KIF16B: variants seen among roughly 807,000 people sequenced by gnomAD.
The protein encoded by KIF16B is kinesin-like protein KIF16B.
KIF16B carries 98 observed loss-of-function variants against 156.3 expected under a neutral mutation model. That is an observed-to-expected ratio of 0.63 (90% CI 0.53 to 0.74). The LOEUF is 0.74. Ranked by LOEUF, KIF16B falls within the 30% of genes least tolerant of loss-of-function variation. The pLI is 0.00. For missense variants in KIF16B, 1,421 were observed against 1,606.5 expected, an observed-to-expected ratio of 0.88 and a Z score of 1.97; for synonymous variants, 564 against 583.7, an observed-to-expected ratio of 0.97 and a Z score of 0.49.
At chr20:16,516,584 G>A (rs962043369) in intron 3 of KIF16B, among the ~76,000 whole-genome samples, 2 of 152,184 alleles carry the variant, frequency 1.3e-5, no homozygotes, top group African/African-American at 2.4e-5. Flanking sequence ...GTCAGCTCCA[G>A]ATGAAGGGCT....
chr20:16,565,274 C>T lies in KIF16B; in HGVS notation c.47+7955G>A, dbSNP rs533095161. On this transcript the variant is annotated intron_variant, in intron 1 of 25. Transcript: ENST00000354981. Reference sequence around the variant, plus strand: ...ATAGTTACCATGTTAGAAATTAAAACTGTGAAAATTTTAAACAAAATGCAC... The same window carrying T: ...ATAGTTACCATGTTAGAAATTAAAATTGTGAAAATTTTAAACAAAATGCAC... Among the ~76,000 whole-genome samples, 4 of 152,226 alleles carry T rather than the reference C, an allele frequency of 2.6e-5. No homozygotes were observed. The South Asian group carries it at 8.3e-4, about 32-fold the overall frequency.
intron 1 of KIF16B, among the ~76,000 whole-genome samples, chr20:16,536,047 T>C (rs1283877224): frequency 6.6e-6 from 1 of 152,228 alleles, no homozygotes; most frequent in Non-Finnish European, 1.5e-5. Flanking sequence ...CCCATGTTTA[T>C]TGAAGCACTA....
At chr20:16,380,772 A>G (rs2065074781) in intron 18 of KIF16B, among the ~76,000 whole-genome samples, 1 of 152,256 alleles carries the variant, frequency 6.6e-6, no homozygotes, top group Non-Finnish European at 1.5e-5. Context: ...TACAAAATGC[A>G]TAATTTTGCA....
chr20:16,350,471 C>G (rs1288390812), intron 23 of KIF16B, among the ~76,000 whole-genome samples: 1 of 152,010 alleles, frequency 6.6e-6, no homozygotes, highest in African/African-American at 2.4e-5. Context: ...CCTGCGGGTG[C>G]TGAACTCAGC....
intron 4 of KIF16B, among the ~76,000 whole-genome samples, chr20:16,514,736 C>T (rs753012439): frequency 6.6e-6 from 1 of 151,118 alleles, no homozygotes; most frequent in Non-Finnish European, 1.5e-5. Flanking sequence ...ACTAAAAATA[C>T]AAAAATTAGC....
intron 23 of KIF16B, among the ~76,000 whole-genome samples, chr20:16,340,537 A>C (rs1003601170): frequency 1.3e-5 from 2 of 152,208 alleles, no homozygotes; most frequent in Admixed American, 6.5e-5. Context: ...GGGAGCCCCC[A>C]GATGGACTTG....
rs112513076 is a variant in KIF16B, at chr20:16,452,387, C to T, written c.1303-22405G>A. Among the ~76,000 whole-genome samples the T allele has an allele frequency of 1.5e-4, 23 of 151,330 alleles. 1 individual carries two copies. Among genetic ancestry groups the T allele is most frequent in the African/African-American group, 5.3e-4 (22 of 41,234 alleles). On this transcript the variant is annotated intron_variant, in intron 12 of 25. Coordinates refer to ENST00000354981, the MANE Select transcript of KIF16B (RefSeq NM_024704.5). ...ATGAGCAAAAAAGTAAGTAAAACTG[C>T]CATAACCCCTATAAGAAAAAAAAAA...
In KIF16B at chr20:16,456,096, C is replaced by CCAATACAATACAATACAATA. The variant is rs56823966; in HGVS notation, c.1303-26134_1303-26115dup. Among the ~76,000 whole-genome samples the CCAATACAATACAATACAATA allele has an allele frequency of 5.0e-3, 713 of 143,402 alleles. 5 individuals carry two copies. The highest frequency in any genetic ancestry group is 7.5e-3 in the East Asian group (36 of 4,820). The allele number at this position is 143,402 out of a possible 152,430, so 94.1% of individuals were successfully genotyped here. ...AATAAAAGGAATTCTTCTACTGGAG[C>CCAATACAATACAATACAATA]CAATACAATACAATACAATACAATA... is the stretch of plus-strand genomic sequence containing the variant. On this transcript the variant is annotated intron_variant, in intron 12 of 25. Coordinates refer to ENST00000354981, the MANE Select transcript of KIF16B (RefSeq NM_024704.5).
At chr20:16,299,809 G>A (rs943795646) in intron 25 of KIF16B, among the ~76,000 whole-genome samples, 1 of 152,162 alleles carries the variant, frequency 6.6e-6, no homozygotes, top group African/African-American at 2.4e-5. Flanking sequence ...ACTGTAGAAA[G>A]TTAAGAGGGG....
At chr20:16,381,565 G>T in intron 18 of KIF16B, 129 bp downstream of exon 18, 31 of 470,282 alleles carry the variant, frequency 6.6e-5, no homozygotes, top group Non-Finnish European at 1.0e-4. Context: ...CATTAGACAT[G>T]TAAATAACAG....
At chr20:16,561,693 T>C (rs892351367) in intron 1 of KIF16B, among the ~76,000 whole-genome samples, 4 of 152,188 alleles carry the variant, frequency 2.6e-5, no homozygotes, top group Non-Finnish European at 4.4e-5. Flanking sequence ...TCACCAGTAG[T>C]AAGACATATT....
chr20:16,513,728 C>G (rs898418239), intron 4 of KIF16B, among the ~76,000 whole-genome samples: 2 of 151,240 alleles, frequency 1.3e-5, no homozygotes, highest in African/African-American at 2.4e-5. Flanking sequence ...CCTACCCTGG[C>G]CTTCCTCGAT....
chr20:16,566,649 C>T (rs528032179), intron 1 of KIF16B, among the ~76,000 whole-genome samples: 60 of 152,266 alleles, frequency 3.9e-4, no homozygotes, highest in African/African-American at 1.4e-3. Flanking sequence ...GAAACTGAGG[C>T]ACAGACATGT....
rs573431706 is a variant in KIF16B, at chr20:16,372,805, C to T, written c.3351-1044G>A. ...CTCCGCCTCCTGGGTTCAAGTGAGT[C>T]TCCTGCCTCAGCCTCCCAGGTAGCT... On this transcript the variant is annotated intron_variant, in intron 20 of 25. Coordinates refer to ENST00000354981, the MANE Select transcript of KIF16B (RefSeq NM_024704.5). Among the ~76,000 whole-genome samples, 8 of 152,314 alleles carry T rather than the reference C, an allele frequency of 5.3e-5. No homozygotes were observed. In the East Asian group the frequency reaches 1.2e-3, roughly 22 times the overall value.
chr20:16,564,866 A>G (rs2071195742), intron 1 of KIF16B, among the ~76,000 whole-genome samples: 1 of 151,852 alleles, frequency 6.6e-6, no homozygotes, highest in African/African-American at 2.4e-5. Flanking sequence ...CACAGACTTG[A>G]GCCCGACCAC....
intron 15 of KIF16B, among the ~76,000 whole-genome samples, chr20:16,411,017 C>T (rs1364963788): frequency 7.3e-5 from 11 of 151,538 alleles, no homozygotes; most frequent in South Asian, 2.1e-4. Context: ...TTTTCATCAC[C>T]GATGACCTTG....
chr20:16,573,153 CT>C, intron 1 of KIF16B, 75 bp downstream of exon 1: 7 of 1,410,582 alleles, frequency 5.0e-6, no homozygotes, highest in Non-Finnish European at 6.8e-6. Context: ...TCCAGGCTGG[CT>C]TTGGGGGAGC....
intron 22 of KIF16B, chr20:16,367,967 T>C (rs1024002033): frequency 8.3e-6 from 12 of 1,440,340 alleles, no homozygotes; most frequent in African/African-American, 4.3e-5. Context: ...AAAATGCTCA[T>C]TGAGCCGAGA....
At chr20:16,372,681 A>G (rs908983737) in intron 20 of KIF16B, among the ~76,000 whole-genome samples, 10 of 152,140 alleles carry the variant, frequency 6.6e-5, no homozygotes, top group Non-Finnish European at 1.3e-4. Flanking sequence ...CTCCAATTCT[A>G]CAGGTACTGA....
Sources: allele counts gnomAD v4.1 joint callset (sites outside exome capture counted in the v4.1 genomes callset), GRCh38; gene constraint gnomAD v4.1.1; transcripts MANE v1.5; gene names NCBI Gene and HGNC (gene_info 2026-07-23, HGNC 2026-07-21).